ITPR3: variants seen among roughly 807,000 people sequenced by gnomAD.
ITPR3 encodes inositol 1,4,5-trisphosphate-gated calcium channel ITPR3.
Under a neutral mutation model 293.2 loss-of-function variants are expected in ITPR3, and 173 were observed. The ratio of observed to expected loss-of-function variants is 0.59; its 90% CI spans 0.52 to 0.67. The LOEUF (loss-of-function observed/expected upper bound fraction) is 0.67. Among genes scored for constraint, ITPR3 ranks in the 30% least tolerant of loss-of-function variants. The probability of loss-of-function intolerance (pLI) is 0.00; values close to 1 mark genes in which losing one functional copy is unlikely to be tolerated. For missense variants in ITPR3, 2,796 were observed against 3,592.1 expected (o/e 0.78, Z 5.66); for synonymous variants, 1,295 against 1,444.4 (o/e 0.90, Z 2.35).
rs146456995 is a variant in ITPR3 at position 33,679,966 on chromosome 6, C to T, written c.4057C>T (p.Arg1353Cys). The change falls in exon 31 of 58, where the codon CGC (arginine) becomes TGC (cysteine). Residue 1353 changes from arginine to cysteine, a missense_variant. By Grantham distance (180) the Arg-to-Cys change is radical. Around this residue, in one of 8 missense-constraint regions of ITPR3, gnomAD observed 344 missense variants for 460.3 expected, o/e 0.75. Coordinates refer to ENST00000605930, the MANE Select transcript of ITPR3 (RefSeq NM_002224.4). The surrounding 1 kb of genome is among the most constrained non-coding windows in gnomAD (Gnocchi z 4.2). The stretch of plus-strand genomic sequence containing the variant: ...CCTGCTGGACATGATGAAGGCCGCC[C>T]GCGACGGCGTGGAGGACCACAGCCC... ...AHLLDMMKAA[R>C]DGVEDHSPLM... is the part of the protein sequence containing the mutation. 2.3e-5 allele frequency: 37 copies of T among 1,613,702 alleles called. No homozygotes were observed. The highest frequency in any genetic ancestry group is 1.3e-4 in the African/African-American group (10 of 74,920).
rs1763714649 is a variant in ITPR3, at chr6:33,632,843, C to T, written c.90-7641C>T. 6.6e-6 allele frequency among the ~76,000 whole-genome samples: 1 copy of T among 152,212 alleles called. No homozygotes were observed. The highest frequency in any genetic ancestry group is 2.4e-5 in the African/African-American group (1 of 41,458). ...CAGGTGTAGACAGGGCTCCTGTCCT[C>T]GGCACTCAGCGTGGTCGCAGGAGAT... On this transcript the variant is annotated intron_variant, in intron 1 of 57. Transcript: ENST00000605930. The surrounding 1 kb of genome is among the most constrained non-coding windows in gnomAD (Gnocchi z 4.1).
intron 7 of ITPR3, among the ~76,000 whole-genome samples, chr6:33,659,900 A>G (rs1764415750): frequency 6.6e-6 from 1 of 152,024 alleles, no homozygotes; most frequent in Non-Finnish European, 1.5e-5. Flanking sequence ...GATCCACACC[A>G]GGCCCCCGCC....
chr6:33,653,280 T>A (rs865774333), intron 2 of ITPR3, among the ~76,000 whole-genome samples: 66 of 55,268 alleles, frequency 1.2e-3, no homozygotes, highest in Middle Eastern at 6.9e-3. Context: ...TTTATTAACT[T>A]TTTTTTTTTT....
Position 33,664,816 on chromosome 6 carries a change from A to G in ITPR3, c.1149-54A>G. 6.6e-7 allele frequency: 1 copy of G among 1,503,908 alleles called. No homozygotes were observed. The highest frequency in any genetic ancestry group is 9.2e-7 in the Non-Finnish European group (1 of 1,086,854). 93.2% of individuals were successfully genotyped at this position (1,503,908 alleles called of 1,614,324 possible). ...TTGGGGAGGTAGGCCGGCAGGCAGCATGACGTGCTCTGTGGTGCACTCCCC... is the reference window on the plus strand; with the variant it reads ...TTGGGGAGGTAGGCCGGCAGGCAGCGTGACGTGCTCTGTGGTGCACTCCCC... On this transcript the variant is annotated intron_variant, in intron 11 of 57. Transcript: ENST00000605930. The surrounding 1 kb of genome is among the most constrained non-coding windows in gnomAD (Gnocchi z 4.4).
chr6:33,659,168 C>T (rs1403049839), intron 6 of ITPR3, 49 bp downstream of exon 6: 2 of 1,534,884 alleles, frequency 1.3e-6, no homozygotes. Flanking sequence ...TCCACACACC[C>T]CTGGTGGTGT....
Position 33,665,713 on chromosome 6 carries a change from T to C in ITPR3, c.1410-122T>C. The C allele has an allele frequency of 2.7e-6, 3 of 1,099,560 alleles. No individual in the cohort carries two copies. The African/African-American group carries it at 4.6e-5, about 17-fold the overall frequency. The allele number at this position is 1,099,560 out of a possible 1,614,324, so 68.1% of individuals were successfully genotyped here. ...GGAATTGTAGGCTGAGGATGGGTTT[T>C]GTGCTTTGGGGGCCGCTGAGTGAAC... On this transcript the variant is annotated intron_variant, in intron 13 of 57. Coordinates refer to ENST00000605930, the MANE Select transcript of ITPR3 (RefSeq NM_002224.4).
rs1379627428 is a variant in ITPR3, at chr6:33,621,742, G to T, written c.89+51G>T. ...CGCGGGTAAAGAGGGGGCGCCGTGG[G>T]CCCTGGTGCCAGCTGCGTGCGTCCA... On this transcript the variant is annotated intron_variant, in intron 1 of 57. Coordinates refer to ENST00000605930, the MANE Select transcript of ITPR3 (RefSeq NM_002224.4). This position sits in a 1 kb window ranked among gnomAD's most constrained non-coding sequence, Gnocchi z 7.7. 1 of 1,403,236 alleles carries T rather than the reference G, an allele frequency of 7.1e-7. No homozygotes were observed. Among genetic ancestry groups the T allele is most frequent in the Admixed American group, 2.0e-5 (1 of 50,962 alleles). 86.9% of individuals were successfully genotyped at this position (1,403,236 alleles called of 1,614,324 possible). A position where few individuals can be genotyped will look rare whatever the true frequency, so the allele number is the denominator to read the frequency against.
Position 33,675,614 on chromosome 6 carries a change from C to T in ITPR3, c.3117-77C>T. On this transcript the variant is annotated intron_variant, in intron 24 of 57. Transcript: ENST00000605930. This position sits in a 1 kb window ranked among gnomAD's most constrained non-coding sequence, Gnocchi z 5.0. ...TTGGGTGGCGGAGAGTGTGCTTGTG[C>T]CAGGGCCCCTTACCCACCACGGACA... The T allele has an allele frequency of 6.8e-7, 1 of 1,474,764 alleles. No individual in the cohort carries two copies. Among genetic ancestry groups the T allele is most frequent in the South Asian group, 1.4e-5 (1 of 72,790 alleles). 91.4% of individuals were successfully genotyped at this position (1,474,764 alleles called of 1,614,324 possible).
chr6:33,665,651 C>A (rs566318190), intron 13 of ITPR3, among the ~76,000 whole-genome samples, 184 bp from the exon 14 acceptor site: 1 of 151,566 alleles, frequency 6.6e-6, no homozygotes, highest in African/African-American at 2.4e-5. Flanking sequence ...TGGGGCTGGG[C>A]GTGTTTGGAG....
Position 33,686,123 on chromosome 6 carries a change from T to C in ITPR3, c.5738T>C (p.Ile1913Thr), listed in dbSNP as rs1436105155. 1 of 1,614,064 alleles carries C rather than the reference T, an allele frequency of 6.2e-7. No homozygotes were observed. The highest frequency in any genetic ancestry group is 8.5e-7 in the Non-Finnish European group (1 of 1,180,044). ...TGCGAGACGCTGCAGTTCCTGGACA[T>C]CATGTGCGGCAGCACCACGGGCGGC... ...LVCETLQFLD[I>T]MCGSTTGGLG... Residue 1913 changes from isoleucine (I) to threonine (T), a missense_variant, in exon 42 of 58, where the codon ATC becomes ACC. By Grantham distance (89) the Ile-to-Thr change is moderately conservative (BLOSUM62 -1). Transcript: ENST00000605930.
At chr6:33,673,533 T>C (rs1582144980) in intron 22 of ITPR3, 58 bp from the exon 23 acceptor site, 6 of 1,597,512 alleles carry the variant, frequency 3.8e-6, no homozygotes, top group Non-Finnish European at 4.3e-6. Flanking sequence ...AGGAAGGGCC[T>C]TCTGACCTCA....
Position 33,628,608 on chromosome 6 carries a change from G to C in ITPR3, c.89+6917G>C, listed in dbSNP as rs527387375. 2.0e-5 allele frequency among the ~76,000 whole-genome samples: 3 copies of C among 152,340 alleles called. No individual in the cohort carries two copies. The South Asian group carries it at 6.2e-4, about 32-fold the overall frequency. ...CACAGTGAGTCCAGGGTGTGGGCTG[G>C]GGATGGAACTGGGTGGAGCCACATG... On this transcript the variant is annotated intron_variant, in intron 1 of 57. Transcript: ENST00000605930.
At position 33,668,978 on chromosome 6, in the gene ITPR3, C is replaced by T. The variant is rs745551337; in HGVS notation, c.2011C>T (p.Arg671Trp). 9.9e-6 allele frequency: 16 copies of T among 1,613,202 alleles called. No homozygotes were observed. The highest frequency in any genetic ancestry group is 1.6e-4 in the Middle Eastern group (1 of 6,082). Residue 671 changes from arginine (R) to tryptophan (W), a missense_variant, in exon 18 of 58, where the codon CGG becomes TGG. Physicochemically the swap from Arg to Trp is moderately radical, Grantham distance 101. Coordinates refer to ENST00000605930, the MANE Select transcript of ITPR3 (RefSeq NM_002224.4). The stretch of plus-strand genomic sequence containing the variant: ...CAGGTTGCTGGTGGTCTGCAGGCTT[C>T]GGCCCGTGAAGGAGATGGCCCAATC... ...NSDILIRTEL[R>W]PVKEMAQSHE... is the part of the protein sequence containing the mutation.
At chr6:33,652,777 T>A (rs1046073046) in intron 2 of ITPR3, among the ~76,000 whole-genome samples, 1 of 152,090 alleles carries the variant, frequency 6.6e-6, no homozygotes. Flanking sequence ...ATATCCATAT[T>A]TATATAATGC....
chr6:33,657,766 G>T, intron 3 of ITPR3, among the ~76,000 whole-genome samples, 166 bp from the exon 4 acceptor site: 1 of 151,768 alleles, frequency 6.6e-6, no homozygotes, highest in Non-Finnish European at 1.5e-5. Context: ...TCTGGGTGCA[G>T]CACCAAGAGC....
rs376523184 is a variant in ITPR3, at chr6:33,684,140, C to T, written c.4909C>T (p.Arg1637Cys). 50 of 1,611,016 alleles carry T rather than the reference C, an allele frequency of 3.1e-5. No homozygotes were observed. In the South Asian group the frequency reaches 4.3e-4, roughly 14 times the overall value. Residue 1637 changes from arginine to cysteine, a missense_variant, in exon 36 of 58, where the codon CGC becomes TGC. By Grantham distance (180) the Arg-to-Cys change is radical (BLOSUM62 -3). Coordinates refer to ENST00000605930, the MANE Select transcript of ITPR3 (RefSeq NM_002224.4). The surrounding 1 kb of genome is among the most constrained non-coding windows in gnomAD (Gnocchi z 4.2). ...LFLEGSEAYQ[R>C]CESGGFLSKL... is the part of the protein sequence containing the mutation. ...CCTGGAGGGCAGTGAGGCCTACCAG[C>T]GCTGCGAGAGTGGGGGCTTCCTGTC...
intron 43 of ITPR3, 141 bp from the exon 44 acceptor site, chr6:33,686,868 C>CG: frequency 7.1e-6 from 5 of 700,944 alleles, no homozygotes; most frequent in Non-Finnish European, 7.4e-6. Flanking sequence ...CTCATTAAGC[C>CG]GGGGGGAGGG....
chr6:33,628,184 T>C (rs1200980711), intron 1 of ITPR3, among the ~76,000 whole-genome samples: 1 of 152,186 alleles, frequency 6.6e-6, no homozygotes, highest in Non-Finnish European at 1.5e-5. Context: ...TCTGCACACA[T>C]GCCTGGAGTC....
chr6:33,626,679 T>C (rs1300475469), intron 1 of ITPR3, among the ~76,000 whole-genome samples: 3 of 152,254 alleles, frequency 2.0e-5, no homozygotes, highest in Non-Finnish European at 4.4e-5. Flanking sequence ...CAGGTCCAGC[T>C]TGTTCCGTTC....
Sources: allele counts gnomAD v4.1 joint callset (sites outside exome capture counted in the v4.1 genomes callset), GRCh38; gene constraint gnomAD v4.1.1; regional missense constraint gnomAD v4.1.1; non-coding constraint Gnocchi (gnomAD v3.1); transcripts MANE v1.5; gene names NCBI Gene and HGNC (gene_info 2026-07-23, HGNC 2026-07-21).